BEND7: variants seen among roughly 807,000 people sequenced by gnomAD.
The protein encoded by BEND7 is BEN domain containing 7, also known as BEN domain-containing protein 7.
BEND7 carries 28 observed loss-of-function variants against 50.9 expected under a neutral mutation model. That is an observed-to-expected ratio of 0.55 (90% CI 0.41 to 0.75). The LOEUF (loss-of-function observed/expected upper bound fraction) is 0.75, where lower values mean the gene tolerates loss of function less well. BEND7 is among the 30% of genes least tolerant of loss of function. The pLI is 0.00. For missense variants in BEND7, 477 were observed against 491.3 expected, an observed-to-expected ratio of 0.97 and a Z score of 0.28; for synonymous variants, 170 against 183.9, an observed-to-expected ratio of 0.92 and a Z score of 0.61.
chr10:13,488,218 A>G (rs2131900527), intron 5 of BEND7, among the ~76,000 whole-genome samples: 2 of 152,218 alleles, frequency 1.3e-5, no homozygotes, highest in South Asian at 4.1e-4. Context: ...TATAGTAACT[A>G]CAACAGATAG....
intron 2 of BEND7, chr10:13,511,238 G>T (rs1321805857): frequency 3.9e-5 from 6 of 152,176 alleles, no homozygotes; most frequent in Non-Finnish European, 8.8e-5. Flanking sequence ...GTGAGAAGGG[G>T]AAACAGTAGA....
intron 2 of BEND7, among the ~76,000 whole-genome samples, chr10:13,525,691 G>A (rs1271096011): frequency 6.6e-6 from 1 of 152,208 alleles, no homozygotes; most frequent in African/African-American, 2.4e-5. Context: ...GACATTATAA[G>A]ACAGCACATT....
At position 13,526,173 on chromosome 10, in the gene BEND7, T is replaced by A. The variant is rs1268930160; in HGVS notation, c.110A>T (p.Asn37Ile). ...GGGCTGTGTCTCTTTGGCCTCCCCA[T>A]TAACATCGTTGCTGAATTCTGGGAT... ...YKIPEFSNDVNGEAKETQPIF... is the reference protein window; with the variant it reads ...YKIPEFSNDVIGEAKETQPIF... Residue 37 changes from asparagine to isoleucine, a missense_variant, in exon 2 of 9, where the codon AAT becomes ATT. Coordinates refer to ENST00000466271, the MANE Select transcript of BEND7 (RefSeq NM_001369863.1). 7.8e-7 allele frequency: 1 copy of A among 1,289,540 alleles called. No homozygotes were observed. The highest frequency in any genetic ancestry group is 5.5e-5 in the East Asian group (1 of 18,026). 79.9% of individuals were successfully genotyped at this position (1,289,540 alleles called of 1,614,324 possible).
chr10:13,522,419 C>T (rs1167985740), intron 2 of BEND7, among the ~76,000 whole-genome samples: 2 of 152,144 alleles, frequency 1.3e-5, no homozygotes, highest in South Asian at 2.1e-4. Flanking sequence ...CTCTGCTATT[C>T]GTGAGGTCAG....
intron 6 of BEND7, among the ~76,000 whole-genome samples, chr10:13,469,528 C>A (rs967960920): frequency 6.6e-6 from 1 of 152,182 alleles, no homozygotes; most frequent in South Asian, 2.1e-4. Flanking sequence ...CCAGGCTGGA[C>A]TGCAGTGGCG....
rs554848051 is a variant in BEND7 at position 13,498,692 on chromosome 10, T to C, written c.448+1086A>G. Among the ~76,000 whole-genome samples the C allele has an allele frequency of 1.1e-4, 16 of 152,368 alleles. No individual in the cohort carries two copies. The South Asian group carries it at 2.1e-3, about 20-fold the overall frequency. ...GACAAAACCAACCCTTTTCAGCTTGTTATAAATCATTTTCTAATTTTAAAG... is the reference window on the plus strand; with the variant it reads ...GACAAAACCAACCCTTTTCAGCTTGCTATAAATCATTTTCTAATTTTAAAG... On this transcript the variant is annotated intron_variant, in intron 3 of 8. Coordinates refer to ENST00000466271, the MANE Select transcript of BEND7 (RefSeq NM_001369863.1).
At chr10:13,518,147 G>A (rs887478700) in intron 2 of BEND7, among the ~76,000 whole-genome samples, 2 of 152,192 alleles carry the variant, frequency 1.3e-5, no homozygotes, top group African/African-American at 4.8e-5. Context: ...GTCATGACCA[G>A]TGTAAGAAAA....
intron 7 of BEND7, 125 bp downstream of exon 7, chr10:13,452,414 T>C (rs1837941785): frequency 1.9e-6 from 2 of 1,049,026 alleles, no homozygotes; most frequent in Non-Finnish European, 2.7e-6. Context: ...CAAATCAGCA[T>C]ATTATAAACA....
chr10:13,475,129 T>C (rs2075332193), intron 6 of BEND7, among the ~76,000 whole-genome samples: 1 of 152,154 alleles, frequency 6.6e-6, no homozygotes, highest in Non-Finnish European at 1.5e-5. Flanking sequence ...CATGACCTCT[T>C]TGTCACTGGG....
At chr10:13,516,641 G>A (rs10752308) in intron 2 of BEND7, among the ~76,000 whole-genome samples, 46,791 of 151,998 alleles carry the variant, frequency 0.31, 9,074 homozygotes, top group East Asian at 0.66. Context: ...CAGGAGAATC[G>A]CTTGAACCTG....
intron 6 of BEND7, among the ~76,000 whole-genome samples, chr10:13,476,755 C>T (rs1337328831): frequency 6.6e-6 from 1 of 152,174 alleles, no homozygotes; most frequent in African/African-American, 2.4e-5. Context: ...CTGGTTATAA[C>T]ATCAATTCTG....
At chr10:13,459,107 A>G (rs889732533) in intron 6 of BEND7, among the ~76,000 whole-genome samples, 5 of 152,228 alleles carry the variant, frequency 3.3e-5, no homozygotes, top group Admixed American at 1.3e-4. Flanking sequence ...CGGTACAAGA[A>G]AAATGGTTGA....
At chr10:13,470,736 G>A (rs2074735005) in intron 6 of BEND7, among the ~76,000 whole-genome samples, 1 of 152,200 alleles carries the variant, frequency 6.6e-6, no homozygotes, top group Admixed American at 6.5e-5. Flanking sequence ...GAATTCATAA[G>A]GTGTGGGATG....
intron 6 of BEND7, among the ~76,000 whole-genome samples, chr10:13,474,584 G>A (rs530129587): frequency 1.3e-5 from 2 of 151,592 alleles, no homozygotes; most frequent in South Asian, 2.1e-4. Context: ...GACTCGGGTC[G>A]ATACCCGTCA....
Position 13,481,050 on chromosome 10 carries a change from G to A in BEND7, c.912C>T (p.Tyr304=), listed in dbSNP as rs367691032. ...KSQLDSILSN[Y]TRSGSLLFRK... is the part of the protein sequence containing the mutation. Reference sequence around the variant, plus strand: ...TAAACAGAAGGCTTCCTGAGCGAGTGTAGTTTGACAATATAGAGTCCAGCT... The same window carrying A: ...TAAACAGAAGGCTTCCTGAGCGAGTATAGTTTGACAATATAGAGTCCAGCT... The change falls in exon 6 of 9, where the codon TAC becomes TAT. Residue 304 remains tyrosine (Y), a synonymous_variant. Transcript: ENST00000466271. 9.3e-6 allele frequency: 15 copies of A among 1,614,054 alleles called. No homozygotes were observed. The highest frequency in any genetic ancestry group is 3.3e-5 in the South Asian group (3 of 91,090).
intron 2 of BEND7, among the ~76,000 whole-genome samples, chr10:13,501,649 C>A (rs976285313): frequency 6.6e-6 from 1 of 152,006 alleles, no homozygotes; most frequent in African/African-American, 2.4e-5. Context: ...GAGTTTGCGA[C>A]CAGCCTGGGC....
intron 2 of BEND7, among the ~76,000 whole-genome samples, chr10:13,511,905 G>A (rs150942779): frequency 4.7e-4 from 72 of 152,274 alleles, no homozygotes; most frequent in African/African-American, 1.5e-3. Context: ...GCTGCTCAAG[G>A]AACTAGCTGA....
chr10:13,439,740 T>C (rs146272525), downstream of BEND7, among the ~76,000 whole-genome samples: 2 of 152,278 alleles, frequency 1.3e-5, no homozygotes, highest in East Asian at 3.9e-4. Context: ...GGATCCCTTG[T>C]CTTCAGCCCG....
intron 6 of BEND7, among the ~76,000 whole-genome samples, chr10:13,478,021 C>T (rs998514206): frequency 5.9e-5 from 9 of 151,950 alleles, no homozygotes; most frequent in Non-Finnish European, 1.0e-4. Context: ...ACAGGGGCAC[C>T]GCAGGAAAGA....
Sources: gnomAD v4.1 joint callset for allele counts (sites outside exome capture counted in the v4.1 genomes callset) on GRCh38, gnomAD v4.1.1 for gene constraint, MANE v1.5 for transcripts, NCBI Gene and HGNC (gene_info 2026-07-23, HGNC 2026-07-21) for gene names.